BMERB1: variants seen among roughly 807,000 people sequenced by gnomAD.
The protein encoded by BMERB1 is bMERB domain containing 1.
In BMERB1, 12 loss-of-function variants were observed where a neutral mutation model predicts 23.6. The ratio of observed to expected loss-of-function variants is 0.51; its 90% CI spans 0.33 to 0.82. The LOEUF (loss-of-function observed/expected upper bound fraction) is 0.82, where lower values mean the gene tolerates loss of function less well. Among genes scored for constraint, BMERB1 ranks in the 40% least tolerant of loss-of-function variants. The probability of loss-of-function intolerance (pLI) is 0.03; values close to 1 mark genes in which losing one functional copy is unlikely to be tolerated. For synonymous variants in BMERB1, 122 were observed against 96.6 expected, an observed-to-expected ratio of 1.26 and a Z score of -1.54; for missense variants, 247 against 255.4, an observed-to-expected ratio of 0.97 and a Z score of 0.22.
Position 15,583,171 on chromosome 16 carries a change from C to T in BMERB1, c.435C>T (p.Asp145=), listed in dbSNP as rs143032200. Residue 145 remains aspartate, a synonymous_variant, in exon 5 of 6, where the codon GAC becomes GAT. Coordinates refer to ENST00000300006, the MANE Select transcript of BMERB1 (RefSeq NM_033201.3). ...ACTTTCACAGGGAGCAAGAAGAAGA[C>T]AAGGAAATGGCTGATTTCCTGAGAA... The part of the protein sequence containing the change: ...EVERLREQEE[D]KEMADFLRIK... 265 of 1,613,198 alleles carry T rather than the reference C, an allele frequency of 1.6e-4. 1 individual carries two copies. Among genetic ancestry groups the T allele is most frequent in the Admixed American group, 2.3e-4 (14 of 59,978 alleles).
Position 15,434,767 on chromosome 16 carries a change from C to A in BMERB1, c.106+8C>A. 8.2e-7 allele frequency: 1 copy of A among 1,212,986 alleles called. No homozygotes were observed. Among genetic ancestry groups the A allele is most frequent in the Non-Finnish European group, 1.1e-6 (1 of 921,800 alleles). The allele number at this position is 1,212,986 out of a possible 1,614,324, so 75.1% of individuals were successfully genotyped here. A position where few individuals can be genotyped will look rare whatever the true frequency, so the allele number is the denominator to read the frequency against. On this transcript the variant is annotated splice_region_variant and intron_variant, in intron 1 of 5. Transcript: ENST00000300006. Reference sequence around the variant, plus strand: ...CGGAGAGACTGGGGAGAAGTGAGTACTGGGGCGGGGGGCGGGGGGCCGGGG... The same window carrying A: ...CGGAGAGACTGGGGAGAAGTGAGTAATGGGGCGGGGGGCGGGGGGCCGGGG...
At chr16:15,437,274 A>G (rs1416632747) in intron 1 of BMERB1, among the ~76,000 whole-genome samples, 1 of 152,190 alleles carries the variant, frequency 6.6e-6, no homozygotes, top group Non-Finnish European at 1.5e-5. Flanking sequence ...GCTGCTTTGA[A>G]TCCTCACTCT....
At chr16:15,486,847 GTC>G (rs1417662987) in intron 1 of BMERB1, among the ~76,000 whole-genome samples, 2 of 152,088 alleles carry the variant, frequency 1.3e-5, no homozygotes, top group Non-Finnish European at 2.9e-5. Context: ...TACTTAACCT[GTC>G]TCTGTGCCTT....
At chr16:15,532,908 AC>A (rs2051983699) in intron 2 of BMERB1, 7 of 431,414 alleles carry the variant, frequency 1.6e-5, no homozygotes, top group South Asian at 1.1e-4. Flanking sequence ...TGATAAATAG[AC>A]CTCGTGCCTG....
chr16:15,519,289 A>G (rs1043666285), intron 2 of BMERB1, among the ~76,000 whole-genome samples: 3 of 152,166 alleles, frequency 2.0e-5, no homozygotes, highest in Non-Finnish European at 4.4e-5. Context: ...CTGCGAAGTA[A>G]TCACCTTAAT....
chr16:15,519,809 C>A (rs1290740267), intron 2 of BMERB1, among the ~76,000 whole-genome samples: 1 of 152,134 alleles, frequency 6.6e-6, no homozygotes, highest in Non-Finnish European at 1.5e-5. Context: ...TTGTCCTTTC[C>A]CCCAAGATCC....
At chr16:15,492,796 G>A (rs2051434137) in intron 1 of BMERB1, among the ~76,000 whole-genome samples, 1 of 152,094 alleles carries the variant, frequency 6.6e-6, no homozygotes. Context: ...GCACACACCT[G>A]TAGTCCCAGC....
Position 15,586,869 on chromosome 16 carries a change from C to T in BMERB1, c.*40C>T, listed in dbSNP as rs775378313. The stretch of plus-strand genomic sequence containing the variant: ...GCCCTGGGCCATGGGGACCCCCCCC[C>T]ACCCTCTTGTCTTTATAGCCCCCAT... On this transcript the variant is annotated 3_prime_UTR_variant, in exon 6 of 6. Coordinates refer to ENST00000300006, the MANE Select transcript of BMERB1 (RefSeq NM_033201.3). 29 of 1,302,292 alleles carry T rather than the reference C, an allele frequency of 2.2e-5. No individual in the cohort carries two copies. Among genetic ancestry groups the T allele is most frequent in the African/African-American group, 5.9e-5 (4 of 67,362 alleles). 80.7% of individuals were successfully genotyped at this position (1,302,292 alleles called of 1,614,324 possible).
At chr16:15,537,563 A>G (rs1052304063) in intron 2 of BMERB1, among the ~76,000 whole-genome samples, 1 of 151,844 alleles carries the variant, frequency 6.6e-6, no homozygotes, top group South Asian at 2.1e-4. Context: ...CATGTTGGCC[A>G]GGCTGGTCTC....
chr16:15,434,645 G>A lies in BMERB1; in HGVS notation c.-9G>A. 6.2e-7 allele frequency: 1 copy of A among 1,612,964 alleles called. No individual in the cohort carries two copies. Among genetic ancestry groups the A allele is most frequent in the East Asian group, 2.2e-5 (1 of 44,872 alleles). On this transcript the variant is annotated 5_prime_UTR_variant, in exon 1 of 6. Coordinates refer to ENST00000300006, the MANE Select transcript of BMERB1 (RefSeq NM_033201.3). ...GGGAGACCCGTCGACCTGGCCACGG[G>A]GATCAGCGATGGAATTAAAGCAATC... is the stretch of plus-strand genomic sequence containing the variant.
At chr16:15,504,899 C>G (rs962963788) in intron 1 of BMERB1, among the ~76,000 whole-genome samples, 1 of 152,004 alleles carries the variant, frequency 6.6e-6, no homozygotes, top group Non-Finnish European at 1.5e-5. Flanking sequence ...CTAAATGCAG[C>G]GGCTGTGACC....
intron 2 of BMERB1, among the ~76,000 whole-genome samples, chr16:15,539,982 G>A (rs2150962450): frequency 6.6e-6 from 1 of 152,070 alleles, no homozygotes. Flanking sequence ...GCAACATGAC[G>A]AAACTCCGTC....
At chr16:15,520,285 C>G (rs2051834756) in intron 2 of BMERB1, among the ~76,000 whole-genome samples, 1 of 152,038 alleles carries the variant, frequency 6.6e-6, no homozygotes. Context: ...GCCAGGACCC[C>G]TTTTCTCTTT....
At chr16:15,487,810 A>G (rs528891297) in intron 1 of BMERB1, among the ~76,000 whole-genome samples, 2 of 152,324 alleles carry the variant, frequency 1.3e-5, no homozygotes, top group South Asian at 2.1e-4. Flanking sequence ...TGACATTGCC[A>G]TGGCATTTGT....
Position 15,479,625 on chromosome 16 carries a change from A to C in BMERB1, c.107-35680A>C, listed in dbSNP as rs12597538. On this transcript the variant is annotated intron_variant, in intron 1 of 5. Coordinates refer to ENST00000300006, the MANE Select transcript of BMERB1 (RefSeq NM_033201.3). ...AAACAATATATATTAAAACAGACCG[A>C]ACATAGAAGCAGATATAAGAATCTA... Among the ~76,000 whole-genome samples the C allele has an allele frequency of 6.9e-3, 1,043 of 152,230 alleles. 33 individuals are homozygous for C. The highest frequency in any genetic ancestry group is 0.064 in the East Asian group (329 of 5,180).
chr16:15,561,171 A>T (rs922818850), intron 2 of BMERB1, among the ~76,000 whole-genome samples: 1 of 144,154 alleles, frequency 6.9e-6, no homozygotes, highest in African/African-American at 2.5e-5. Flanking sequence ...GTTGGCCAGG[A>T]TGGTCTTGAT....
At chr16:15,533,311 C>G (rs114479155) in intron 2 of BMERB1, among the ~76,000 whole-genome samples, 1 of 151,678 alleles carries the variant, frequency 6.6e-6, no homozygotes, top group Non-Finnish European at 1.5e-5. Flanking sequence ...GTTGTTGAAA[C>G]GACGAGAGAA....
intron 1 of BMERB1, among the ~76,000 whole-genome samples, chr16:15,449,544 C>A (rs990201109): frequency 6.6e-6 from 1 of 151,644 alleles, no homozygotes; most frequent in African/African-American, 2.4e-5. Flanking sequence ...TTTTCTTTTT[C>A]TTTAATTTTT....
intron 1 of BMERB1, among the ~76,000 whole-genome samples, chr16:15,468,714 C>G (rs578249793): frequency 2.4e-4 from 36 of 152,068 alleles, no homozygotes; most frequent in Non-Finnish European, 4.4e-4. Flanking sequence ...TATCAATTTT[C>G]CCTTTTATAG....
Sources: allele counts gnomAD v4.1 joint callset (sites outside exome capture counted in the v4.1 genomes callset), GRCh38; gene constraint gnomAD v4.1.1; transcripts MANE v1.5; gene names NCBI Gene and HGNC (gene_info 2026-07-23, HGNC 2026-07-21).